Variants in STK31 observed in about 807,000 individuals in gnomAD.
The protein encoded by STK31 is serine/threonine kinase 31.
A neutral mutation model predicts 129.7 loss-of-function variants in STK31; 89 were observed. The ratio of observed to expected loss-of-function variants is 0.69; its 90% CI spans 0.58 to 0.82. The LOEUF (loss-of-function observed/expected upper bound fraction) is 0.82. STK31 is among the 40% of genes least tolerant of loss of function. The pLI is 0.00. For synonymous variants in STK31, 448 were observed against 395.3 expected (o/e 1.13, Z -1.58); for missense variants, 1,187 against 1,176.4 (o/e 1.01, Z -0.13).
intron 23 of STK31, among the ~76,000 whole-genome samples, chr7:23,823,375 T>G (rs1326542695): frequency 3.3e-5 from 5 of 152,030 alleles, no homozygotes; most frequent in East Asian, 1.9e-4. Flanking sequence ...TCATGTGTTT[T>G]TTGGCTGCAT....
chr7:23,730,872 A>ATTTTTT (rs1455690740), intron 6 of STK31, among the ~76,000 whole-genome samples: 130 of 56,036 alleles, frequency 2.3e-3, no homozygotes, highest in Non-Finnish European at 3.8e-3. Context: ...ATATATATAT[A>ATTTTTT]TATATATTTT....
intron 22 of STK31, among the ~76,000 whole-genome samples, chr7:23,797,222 C>T (rs1408740821): frequency 6.6e-6 from 1 of 152,180 alleles, no homozygotes; most frequent in African/African-American, 2.4e-5. Context: ...AGAAAATTAA[C>T]AAGGATATTC....
chr7:23,809,419 C>T (rs1380184125), intron 22 of STK31, among the ~76,000 whole-genome samples: 1 of 152,104 alleles, frequency 6.6e-6, no homozygotes, highest in African/African-American at 2.4e-5. Context: ...TCTTATTTTA[C>T]TGAAAAACTT....
upstream of STK31, chr7:23,710,140 G>A (rs1231669529): frequency 2.1e-6 from 3 of 1,428,888 alleles, no homozygotes; most frequent in African/African-American, 1.4e-5. Context: ...CTAGGCGGCA[G>A]GCCGTGGCTG....
intron 5 of STK31, 72 bp from the exon 6 acceptor site, chr7:23,729,019 A>G (rs1787243710): frequency 7.2e-7 from 1 of 1,391,454 alleles, no homozygotes; most frequent in Non-Finnish European, 9.5e-7. Context: ...AACAGAGAGC[A>G]GCAAATTGGT....
chr7:23,730,404 A>G (rs1184606078), intron 6 of STK31, among the ~76,000 whole-genome samples: 1 of 152,188 alleles, frequency 6.6e-6, no homozygotes, highest in African/African-American at 2.4e-5. Flanking sequence ...TCAGGCTTTC[A>G]TAAACATGAA....
intron 22 of STK31, among the ~76,000 whole-genome samples, chr7:23,799,947 A>G (rs2128119818): frequency 6.6e-6 from 1 of 152,356 alleles, no homozygotes; most frequent in Non-Finnish European, 1.5e-5. Flanking sequence ...CACTTCTCAA[A>G]AGAAGACATT....
intron 8 of STK31, among the ~76,000 whole-genome samples, chr7:23,740,413 T>C (rs1787989797): frequency 6.6e-6 from 1 of 152,222 alleles, no homozygotes; most frequent in African/African-American, 2.4e-5. Flanking sequence ...AAGTTTTTCA[T>C]TAATCTGTGA....
At chr7:23,783,188 T>C (rs989608456) in intron 16 of STK31, among the ~76,000 whole-genome samples, 20 of 152,318 alleles carry the variant, frequency 1.3e-4, no homozygotes, top group African/African-American at 4.6e-4. Flanking sequence ...GATTGGTGTT[T>C]GCCTTATTTG....
chr7:23,800,105 G>A (rs761968413), intron 22 of STK31, among the ~76,000 whole-genome samples: 1 of 152,194 alleles, frequency 6.6e-6, no homozygotes, highest in Non-Finnish European at 1.5e-5. Context: ...AGAGGATGTG[G>A]AGAAATAGGA....
At chr7:23,716,901 C>T (rs948378187) in intron 3 of STK31, among the ~76,000 whole-genome samples, 1 of 149,364 alleles carries the variant, frequency 6.7e-6, no homozygotes, top group East Asian at 2.0e-4. Flanking sequence ...CTCAAGCAAT[C>T]CTCCCACCTC....
At chr7:23,728,528 C>G (rs1787220643) in intron 5 of STK31, among the ~76,000 whole-genome samples, 1 of 152,006 alleles carries the variant, frequency 6.6e-6, no homozygotes, top group Admixed American at 6.5e-5. Context: ...TTTCAGTTGG[C>G]TTTAATTTTT....
chr7:23,740,477 A>G (rs1168206571), intron 8 of STK31, among the ~76,000 whole-genome samples: 2 of 152,154 alleles, frequency 1.3e-5, no homozygotes, highest in Non-Finnish European at 2.9e-5. Flanking sequence ...TGTTTTCATC[A>G]GGTGCTGTAT....
At chr7:23,768,683 C>T (rs952790412) in intron 11 of STK31, among the ~76,000 whole-genome samples, 1 of 152,114 alleles carries the variant, frequency 6.6e-6, no homozygotes, top group African/African-American at 2.4e-5. Context: ...CAAAATTACT[C>T]TTGTACTTAA....
At chr7:23,728,827 TAAAAAC>T (rs1264078109) in intron 5 of STK31, among the ~76,000 whole-genome samples, 1 of 152,154 alleles carries the variant, frequency 6.6e-6, no homozygotes, top group African/African-American at 2.4e-5. Context: ...ATCAATTGTC[TAAAAAC>T]AAAAAGCACC....
chr7:23,757,330 C>CG (rs1379150381), intron 10 of STK31, among the ~76,000 whole-genome samples: 2 of 152,034 alleles, frequency 1.3e-5, no homozygotes, highest in Non-Finnish European at 2.9e-5. Context: ...AAGGGACCGG[C>CG]GCTCAGCATG....
intron 11 of STK31, among the ~76,000 whole-genome samples, chr7:23,764,926 C>T (rs962353523): frequency 1.4e-5 from 2 of 147,936 alleles, no homozygotes; most frequent in Non-Finnish European, 3.0e-5. Flanking sequence ...TTTTTAACTA[C>T]TATGTAATCT....
chr7:23,769,980 A>G (rs1790085007), intron 13 of STK31, among the ~76,000 whole-genome samples: 1 of 152,184 alleles, frequency 6.6e-6, no homozygotes, highest in Non-Finnish European at 1.5e-5. Context: ...TTTTAATAGG[A>G]CATTTCACAT....
intron 6 of STK31, 62 bp downstream of exon 6, chr7:23,729,311 T>C: frequency 7.0e-7 from 1 of 1,438,390 alleles, no homozygotes; most frequent in Non-Finnish European, 9.3e-7. Flanking sequence ...TGAAACAAAA[T>C]GTAGGTATAG....
Sources: allele counts gnomAD v4.1 joint callset (sites outside exome capture counted in the v4.1 genomes callset), GRCh38; gene constraint gnomAD v4.1.1; transcripts MANE v1.5; gene names NCBI Gene and HGNC (gene_info 2026-07-23, HGNC 2026-07-21).